Variants in MLPH observed in about 807,000 individuals in gnomAD.
MLPH encodes exophilin-3.
A neutral mutation model predicts 72.1 loss-of-function variants in MLPH; 51 were observed. The observed-to-expected ratio is 0.71, with a 90% CI of 0.56 to 0.89. The LOEUF is 0.89. Ranked by LOEUF, MLPH falls within the 40% of genes least tolerant of loss-of-function variation. MLPH has a pLI of 0.00. For synonymous variants in MLPH, 301 were observed against 310.1 expected (o/e 0.97, Z 0.31); for missense variants, 743 against 759.9 (o/e 0.98, Z 0.26).
chr2:237,488,984 C>A (rs2079375274), intron 1 of MLPH, among the ~76,000 whole-genome samples: 2 of 152,148 alleles, frequency 1.3e-5, no homozygotes, highest in Non-Finnish European at 2.9e-5. Flanking sequence ...CATCACTCCC[C>A]CTCTTAATTT....
intron 2 of MLPH, among the ~76,000 whole-genome samples, chr2:237,502,593 A>G (rs1452625825): frequency 6.6e-6 from 1 of 152,232 alleles, no homozygotes; most frequent in Non-Finnish European, 1.5e-5. Context: ...GAGACCATGC[A>G]TAGCCGGACT....
chr2:237,492,806 C>T (rs756454483), intron 1 of MLPH, among the ~76,000 whole-genome samples: 42 of 152,190 alleles, frequency 2.8e-4, no homozygotes, highest in African/African-American at 4.3e-4. Flanking sequence ...CAGCCCCCCA[C>T]GCCCAGAGGA....
intron 14 of MLPH, among the ~76,000 whole-genome samples, chr2:237,551,712 T>A (rs1381253257): frequency 6.6e-6 from 1 of 151,962 alleles, no homozygotes; most frequent in Non-Finnish European, 1.5e-5. Context: ...GCATGGTGGC[T>A]CACACCTATA....
chr2:237,545,650 G>A, intron 12 of MLPH: 1 of 1,272,914 alleles, frequency 7.9e-7, no homozygotes, highest in Non-Finnish European at 1.0e-6. Context: ...GCTCACGTCA[G>A]GCCAACATCC....
chr2:237,496,550 G>T (rs1261835734), intron 2 of MLPH, among the ~76,000 whole-genome samples: 1 of 152,210 alleles, frequency 6.6e-6, no homozygotes, highest in Non-Finnish European at 1.5e-5. Context: ...AGTACTCTTA[G>T]GAAAGGACTT....
At chr2:237,501,655 C>T (rs1353700038) in intron 2 of MLPH, among the ~76,000 whole-genome samples, 1 of 132,524 alleles carries the variant, frequency 7.5e-6, no homozygotes, top group Non-Finnish European at 1.6e-5. Flanking sequence ...AGTGAAACCA[C>T]GTCTCTACTA....
intron 13 of MLPH, among the ~76,000 whole-genome samples, chr2:237,548,019 G>T (rs969992167): frequency 1.3e-5 from 2 of 152,192 alleles, no homozygotes; most frequent in African/African-American, 4.8e-5. Context: ...ACAGTGACAC[G>T]CGATGTTTTC....
chr2:237,546,447 A>C, intron 12 of MLPH, 159 bp from the exon 13 acceptor site: 1 of 692,012 alleles, frequency 1.4e-6, no homozygotes, highest in South Asian at 1.6e-5. Context: ...CTAGTCCCAG[A>C]GTCCTGGAGC....
intron 8 of MLPH, among the ~76,000 whole-genome samples, chr2:237,529,767 G>C (rs2080379858): frequency 6.6e-6 from 1 of 152,228 alleles, no homozygotes. Flanking sequence ...TTTCACCAAG[G>C]CTGGTCTCAG....
At chr2:237,489,706 G>A (rs932501932) in intron 1 of MLPH, among the ~76,000 whole-genome samples, 1 of 152,126 alleles carries the variant, frequency 6.6e-6, no homozygotes, top group African/African-American at 2.4e-5. Context: ...TTGCCCAGGC[G>A]AGTAATCACC....
chr2:237,501,056 C>T (rs748064881), intron 2 of MLPH, among the ~76,000 whole-genome samples: 3 of 152,270 alleles, frequency 2.0e-5, no homozygotes, highest in African/African-American at 2.4e-5. Flanking sequence ...ATTCGCCCTC[C>T]TCACCCCTGC....
intron 7 of MLPH, among the ~76,000 whole-genome samples, chr2:237,527,140 T>A (rs1211380231): frequency 6.6e-6 from 1 of 152,208 alleles, no homozygotes; most frequent in Non-Finnish European, 1.5e-5. Flanking sequence ...GCAAAGTATG[T>A]CCACTCATAA....
intron 1 of MLPH, among the ~76,000 whole-genome samples, chr2:237,487,978 G>A (rs2079352532): frequency 6.6e-6 from 1 of 152,186 alleles, no homozygotes; most frequent in Non-Finnish European, 1.5e-5. Flanking sequence ...GGTGTGGGAA[G>A]TAGAGATGTG....
intron 12 of MLPH, among the ~76,000 whole-genome samples, chr2:237,545,264 A>G (rs2080889754): frequency 6.7e-6 from 1 of 149,454 alleles, no homozygotes; most frequent in Non-Finnish European, 1.5e-5. Flanking sequence ...GGAACACAGC[A>G]ACCCAGTTGA....
intron 12 of MLPH, chr2:237,545,457 G>T (rs1177508297): frequency 2.3e-6 from 3 of 1,287,068 alleles, no homozygotes; most frequent in South Asian, 1.2e-5. Context: ...CCCTAAAAAG[G>T]CTCTTTATGA....
chr2:237,549,720 A>C (rs1437537824), intron 14 of MLPH, among the ~76,000 whole-genome samples: 2 of 151,942 alleles, frequency 1.3e-5, no homozygotes, highest in African/African-American at 4.8e-5. Context: ...TGCTCATCTC[A>C]TTCACTCACC....
At position 237,501,664 on chromosome 2, in the gene MLPH, T is replaced by TAA. The variant is rs58268748; in HGVS notation, c.110+8152_110+8153dup. Among the ~76,000 whole-genome samples, 410 of 63,480 alleles carry TAA rather than the reference T, an allele frequency of 6.5e-3. 6 individuals carry two copies. The highest frequency in any genetic ancestry group is 0.01 in the Middle Eastern group (1 of 100). The allele number at this position is 63,480 out of a possible 152,430, so 41.6% of individuals were successfully genotyped here. ...TAACATAGTGAAACCACGTCTCTAC[T>TAA]AAAAAAAAAAAAAAAAAAAAAAAAA... On this transcript the variant is annotated intron_variant, in intron 2 of 15. Transcript: ENST00000264605.
chr2:237,528,183 G>A (rs2080344291), intron 8 of MLPH, among the ~76,000 whole-genome samples: 2 of 152,090 alleles, frequency 1.3e-5, no homozygotes, highest in Non-Finnish European at 1.5e-5. Context: ...GATGAAAGGA[G>A]CCCTGGAGAT....
Position 237,512,678 on chromosome 2 carries a change from G to A in MLPH, c.445+1577G>A, listed in dbSNP as rs1166030497. ...GAAGGGTCCTCCTGCAGCCAGTGGA[G>A]CTTGGTCCAGCCTCCAGTCCACCCC... On this transcript the variant is annotated intron_variant, in intron 4 of 15. Coordinates refer to ENST00000264605, the MANE Select transcript of MLPH (RefSeq NM_024101.7). The surrounding 1 kb of genome is among the most constrained non-coding windows in gnomAD (Gnocchi z 5.5). 6.6e-6 allele frequency among the ~76,000 whole-genome samples: 1 copy of A among 152,142 alleles called. No individual in the cohort carries two copies. Among genetic ancestry groups the A allele is most frequent in the African/African-American group, 2.4e-5 (1 of 41,422 alleles).
Sources: gnomAD v4.1 joint callset for allele counts (sites outside exome capture counted in the v4.1 genomes callset) on GRCh38, gnomAD v4.1.1 for gene constraint, Gnocchi (gnomAD v3.1) non-coding constraint, MANE v1.5 for transcripts, NCBI Gene and HGNC (gene_info 2026-07-23, HGNC 2026-07-21) for gene names.